XPNPEP3: variants seen among roughly 807,000 people sequenced by gnomAD.
The protein encoded by XPNPEP3 is X-prolyl aminopeptidase 3.
A neutral mutation model predicts 60.0 loss-of-function variants in XPNPEP3; 41 were observed. The observed-to-expected ratio is 0.68, with a 90% confidence interval of 0.53 to 0.89. The LOEUF is 0.89. Ranked by LOEUF, XPNPEP3 falls within the 40% of genes least tolerant of loss-of-function variation. XPNPEP3 has a pLI of 0.00. For missense variants in XPNPEP3, 598 were observed against 638.9 expected (o/e 0.94, Z 0.69); for synonymous variants, 212 against 223.2 (o/e 0.95, Z 0.45).
intron 1 of XPNPEP3, among the ~76,000 whole-genome samples, chr22:40,857,947 T>G (rs546407831): frequency 3.2e-4 from 49 of 152,318 alleles, no homozygotes; most frequent in African/African-American, 1.2e-3. Context: ...TTTATGTTGA[T>G]ATACTTGAAT....
chr22:40,924,509 A>G lies in XPNPEP3; in HGVS notation c.1357+27A>G, dbSNP rs780896338. ...TAAGGAGAGGTGTTACAATAGTAGT[A>G]TGAGGTAAATGTTTGTTTGTTTGTT... On this transcript the variant is annotated intron_variant, in intron 9 of 9. Transcript: ENST00000357137. 5 of 1,613,470 alleles carry G rather than the reference A, an allele frequency of 3.1e-6. No individual in the cohort carries two copies. In the East Asian group the frequency reaches 8.9e-5, roughly 29 times the overall value.
At chr22:40,910,008 T>C (rs1464635339) in intron 6 of XPNPEP3, among the ~76,000 whole-genome samples, 1 of 151,956 alleles carries the variant, frequency 6.6e-6, no homozygotes, top group Non-Finnish European at 1.5e-5. Context: ...TTTCTTCCCA[T>C]GTGACTATAC....
chr22:40,912,818 C>G (rs894372097), intron 6 of XPNPEP3, among the ~76,000 whole-genome samples: 3 of 151,954 alleles, frequency 2.0e-5, no homozygotes, highest in African/African-American at 4.8e-5. Context: ...TGCAGTGAGC[C>G]AAGGTTGCGC....
rs6002193 is a variant in XPNPEP3 at position 40,901,920 on chromosome 22, C to G, written c.793-5667C>G. Among the ~76,000 whole-genome samples, 236 of 152,074 alleles carry G rather than the reference C, an allele frequency of 1.6e-3. 4 individuals are homozygous for G. The highest frequency in any genetic ancestry group is 5.3e-3 in the African/African-American group (221 of 41,434). ...TTCTGGTGATGAAAATGTTTGGGAA[C>G]TAGAGAGAGGTGGTGGTTGCAAAAC... On this transcript the variant is annotated intron_variant, in intron 4 of 9. Coordinates refer to ENST00000357137, the MANE Select transcript of XPNPEP3 (RefSeq NM_022098.4).
intron 2 of XPNPEP3, among the ~76,000 whole-genome samples, chr22:40,880,020 C>G (rs1004677252): frequency 7.5e-6 from 1 of 133,516 alleles, no homozygotes; most frequent in African/African-American, 2.9e-5. Flanking sequence ...GAGCAGGACT[C>G]TGTCTCCCAA....
intron 2 of XPNPEP3, among the ~76,000 whole-genome samples, chr22:40,872,723 T>A (rs1457490416): frequency 2.6e-5 from 4 of 152,160 alleles, no homozygotes; most frequent in Non-Finnish European, 5.9e-5. Context: ...AGTGCTGGGA[T>A]TACAGGTGTG....
At chr22:40,899,508 A>G (rs1202787006) in intron 4 of XPNPEP3, among the ~76,000 whole-genome samples, 3 of 152,160 alleles carry the variant, frequency 2.0e-5, no homozygotes, top group East Asian at 3.9e-4. Context: ...GCTGGGACAG[A>G]TGGATATCCA....
intron 4 of XPNPEP3, among the ~76,000 whole-genome samples, chr22:40,902,834 C>T (rs768776240): frequency 6.6e-5 from 10 of 151,692 alleles, no homozygotes; most frequent in Admixed American, 1.3e-4. Context: ...CTGTGGCTGT[C>T]TCACAGCAAG....
chr22:40,858,398 G>T (rs1389308489), intron 1 of XPNPEP3, among the ~76,000 whole-genome samples: 1 of 151,882 alleles, frequency 6.6e-6, no homozygotes, highest in Non-Finnish European at 1.5e-5. Context: ...GCTTTTATTT[G>T]AAAGGCTCTC....
intron 4 of XPNPEP3, among the ~76,000 whole-genome samples, chr22:40,900,444 A>C (rs1161975358): frequency 6.6e-6 from 1 of 152,038 alleles, no homozygotes; most frequent in Non-Finnish European, 1.5e-5. Flanking sequence ...GTCTCTATTA[A>C]AAATACAAAA....
intron 6 of XPNPEP3, among the ~76,000 whole-genome samples, chr22:40,912,675 T>C (rs964934903): frequency 6.6e-6 from 1 of 151,920 alleles, no homozygotes; most frequent in African/African-American, 2.4e-5. Flanking sequence ...TTCAAGACCA[T>C]CCTGGCCAAC....
At chr22:40,868,167 A>G (rs541562736) in intron 1 of XPNPEP3, among the ~76,000 whole-genome samples, 15 of 152,188 alleles carry the variant, frequency 9.9e-5, no homozygotes, top group Non-Finnish European at 2.2e-4. Flanking sequence ...GTTGTACTCT[A>G]TGATTAAGCA....
chr22:40,862,245 T>C (rs939171234), intron 1 of XPNPEP3: 3 of 1,212,974 alleles, frequency 2.5e-6, no homozygotes, highest in Non-Finnish European at 2.1e-6. Context: ...ACCTTCCAAA[T>C]AGAGCTAGTC....
At chr22:40,883,046 G>A (rs539212767) in intron 3 of XPNPEP3, among the ~76,000 whole-genome samples, 1 of 152,232 alleles carries the variant, frequency 6.6e-6, no homozygotes, top group African/African-American at 2.4e-5. Flanking sequence ...AACGTAGTGA[G>A]ACCCCATCTC....
At chr22:40,902,669 C>G (rs537637123) in intron 4 of XPNPEP3, among the ~76,000 whole-genome samples, 7 of 152,348 alleles carry the variant, frequency 4.6e-5, no homozygotes, top group African/African-American at 1.7e-4. Context: ...AGGCGTGAGC[C>G]ACCAGGCCTG....
intron 7 of XPNPEP3, among the ~76,000 whole-genome samples, chr22:40,920,017 C>G (rs1288954979): frequency 6.6e-6 from 1 of 152,064 alleles, no homozygotes. Context: ...ATTTGGCAAA[C>G]TAAGGTCAAA....
rs1484160361 is a variant in XPNPEP3 at position 40,882,163 on chromosome 22, T to A, written c.575T>A (p.Leu192Gln). Residue 192 changes from leucine to glutamine, a missense_variant, in exon 3 of 10, where the codon CTA (leucine) becomes CAA (glutamine). Physicochemically the swap from Leu to Gln is moderately radical, Grantham distance 113. Coordinates refer to ENST00000357137, the MANE Select transcript of XPNPEP3 (RefSeq NM_022098.4). ...AYTLEEFQHL[L>Q]PKMKAETNMV... ...ACGCTAGAAGAATTTCAACATCTTCTACCAAAAATGAAAGGTAACAAATGG... is the reference window on the plus strand; with the variant it reads ...ACGCTAGAAGAATTTCAACATCTTCAACCAAAAATGAAAGGTAACAAATGG... 6.2e-7 allele frequency: 1 copy of A among 1,614,208 alleles called. No individual in the cohort carries two copies. The highest frequency in any genetic ancestry group is 8.5e-7 in the Non-Finnish European group (1 of 1,180,040).
At chr22:40,872,039 A>T (rs976152971) in intron 2 of XPNPEP3, among the ~76,000 whole-genome samples, 1 of 152,204 alleles carries the variant, frequency 6.6e-6, no homozygotes, top group Non-Finnish European at 1.5e-5. Context: ...TCTCAAAAAC[A>T]AAAACAAAAG....
chr22:40,883,440 A>G (rs917264216), intron 3 of XPNPEP3, among the ~76,000 whole-genome samples: 1 of 152,032 alleles, frequency 6.6e-6, no homozygotes, highest in Admixed American at 6.6e-5. Context: ...GCTCACTGCA[A>G]CCTCGAACCC....
Sources: allele counts gnomAD v4.1 joint callset (sites outside exome capture counted in the v4.1 genomes callset), GRCh38; gene constraint gnomAD v4.1.1; transcripts MANE v1.5; gene names NCBI Gene and HGNC (gene_info 2026-07-23, HGNC 2026-07-21).